Variants in NSD1 observed in about 807,000 individuals in gnomAD.
The protein encoded by NSD1 is nuclear receptor binding SET domain protein 1, also known as histone-lysine N-methyltransferase, H3 lysine-36 specific.
A neutral mutation model predicts 242.7 loss-of-function variants in NSD1; 26 were observed. The ratio of observed to expected loss-of-function variants is 0.11; its 90% CI spans 0.08 to 0.15. NSD1 has a LOEUF of 0.15. NSD1 is among the 10% of genes least tolerant of loss of function. The pLI, the probability that NSD1 is intolerant of heterozygous loss-of-function variation, is 1.00. For synonymous variants in NSD1, 1,106 were observed against 1,178.1 expected, an observed-to-expected ratio of 0.94 and a Z score of 1.25; for missense variants, 2,495 against 3,272.8, an observed-to-expected ratio of 0.76 and a Z score of 5.80.
Position 177,238,396 on chromosome 5 carries a change from C to T in NSD1, c.4081C>T (p.Leu1361Phe). ...GGAGGGCCCCTTGGCTCAGTCAGAA[C>T]TTGGAGGTGGACATGCTGAGTTGCC... ...FLEGPLAQSE[L>F]GGGHAELPQL... The change falls in exon 7 of 23, where the codon CTT becomes TTT. Residue 1361 changes from leucine to phenylalanine, a missense_variant. Physicochemically the swap from Leu to Phe is conservative, Grantham distance 22. Transcript: ENST00000439151. The surrounding 1 kb of genome is among the most constrained non-coding windows in gnomAD (Gnocchi z 4.6). 1 of 1,614,092 alleles carries T rather than the reference C, an allele frequency of 6.2e-7. No homozygotes were observed. Among genetic ancestry groups the T allele is most frequent in the Non-Finnish European group, 8.5e-7 (1 of 1,179,992 alleles).
At position 177,295,159 on chromosome 5, in the gene NSD1, G is replaced by A. The variant is rs1760169091; in HGVS notation, c.7791G>A (p.Gly2597=). ...TACCTGCACTTGCCGCCAAGAGTGG[G>A]CAATCTTTTAGGTCTCTCGGGAAGG... ...QQLPALAAKS[G]QSFRSLGKAP... The change falls in exon 23 of 23, where the codon GGG becomes GGA. Residue 2597 remains glycine (G), a synonymous_variant. Transcript: ENST00000439151. This position sits in a 1 kb window ranked among gnomAD's most constrained non-coding sequence, Gnocchi z 4.3. 6.2e-6 allele frequency: 10 copies of A among 1,614,054 alleles called. No homozygotes were observed. The highest frequency in any genetic ancestry group is 1.1e-5 in the South Asian group (1 of 91,090).
At chr5:177,288,975 TC>T in intron 21 of NSD1, 50 bp downstream of exon 21, 1 of 1,241,482 alleles carries the variant, frequency 8.1e-7, no homozygotes, top group South Asian at 1.2e-5. Flanking sequence ...CGGTCCTCCC[TC>T]CCTAACAGTG....
At chr5:177,194,966 C>T (rs527914266) in intron 3 of NSD1, among the ~76,000 whole-genome samples, 204 of 152,046 alleles carry the variant, frequency 1.3e-3, no homozygotes, top group African/African-American at 4.7e-3. Context: ...CGAGACCAGT[C>T]TGGCTGACAT....
rs1406238061 is a variant in NSD1 at position 177,296,782 on chromosome 5, C to T, written c.*1323C>T. 2 of 233,194 alleles carry T rather than the reference C, an allele frequency of 8.6e-6. No individual in the cohort carries two copies. The highest frequency in any genetic ancestry group is 1.7e-5 in the Non-Finnish European group (2 of 118,086). 14.4% of individuals were successfully genotyped at this position (233,194 alleles called of 1,614,324 possible). On this transcript the variant is annotated 3_prime_UTR_variant, in exon 23 of 23. Coordinates refer to ENST00000439151, the MANE Select transcript of NSD1 (RefSeq NM_022455.5). ...GGGCTGGGAAATCTGTTGGTGCTAC[C>T]CTGCCCTACCATTCACCCAGCTCAC...
At chr5:177,221,781 A>G (rs986699038) in intron 5 of NSD1, among the ~76,000 whole-genome samples, 3 of 149,256 alleles carry the variant, frequency 2.0e-5, no homozygotes, top group African/African-American at 7.4e-5. Context: ...TAAAACTCAT[A>G]TTTCCCCTTC....
At chr5:177,244,073 A>C (rs1766094434) in intron 8 of NSD1, 122 bp from the exon 9 acceptor site, 1 of 752,084 alleles carries the variant, frequency 1.3e-6, no homozygotes. Context: ...TGATTTCTTT[A>C]ATTGCTAAAA....
At chr5:177,181,655 A>G (rs1288480164) in intron 2 of NSD1, among the ~76,000 whole-genome samples, 2 of 150,558 alleles carry the variant, frequency 1.3e-5, no homozygotes, top group Non-Finnish European at 3.0e-5. Flanking sequence ...TGAACTCCTG[A>G]CCTCAAGTGA....
At position 177,290,152 on chromosome 5, in the gene NSD1, C is replaced by T. The variant is rs1410895331; in HGVS notation, c.6258+1227C>T. 9.5e-5 allele frequency among the ~76,000 whole-genome samples: 14 copies of T among 147,500 alleles called. No homozygotes were observed. The Admixed American group carries it at 9.6e-4, about 10-fold the overall frequency. ...CCTTATATTATTATTTTTTAAAGTC[C>T]TTGCTGATCATTTTTAGTGACTGTC... On this transcript the variant is annotated intron_variant, in intron 21 of 22. Transcript: ENST00000439151.
At chr5:177,288,290 A>T (rs923110359) in intron 20 of NSD1, among the ~76,000 whole-genome samples, 15 of 152,202 alleles carry the variant, frequency 9.9e-5, no homozygotes, top group Middle Eastern at 3.2e-3. Context: ...TCTCCATTTT[A>T]AAATGGGCTG....
At chr5:177,229,869 G>A (rs1048693310) in intron 5 of NSD1, 3 of 231,140 alleles carry the variant, frequency 1.3e-5, no homozygotes, top group African/African-American at 2.4e-5. Flanking sequence ...TCACCCTCCT[G>A]AGTAGCTGCA....
At chr5:177,228,556 T>C (rs1440800202) in intron 5 of NSD1, among the ~76,000 whole-genome samples, 1 of 152,024 alleles carries the variant, frequency 6.6e-6, no homozygotes, top group African/African-American at 2.4e-5. Flanking sequence ...AGGAATGGTT[T>C]TGGGGTTTTT....
At position 177,260,180 on chromosome 5, in the gene NSD1, TTTC is replaced by T. The variant is rs1756872577; in HGVS notation, c.5146+16_5146+18del. 8.1e-6 allele frequency: 13 copies of T among 1,612,794 alleles called. No homozygotes were observed. The highest frequency in any genetic ancestry group is 9.3e-6 in the Non-Finnish European group (11 of 1,179,032). On this transcript the variant is annotated intron_variant, in intron 14 of 22. Transcript: ENST00000439151. ...TGTGTGCTCAGAAGGTAAGAAATCA[TTTC>T]TTCCTCTATTTGTAGTCTAAAAAGG...
chr5:177,270,649 A>G (rs148614425), intron 16 of NSD1, among the ~76,000 whole-genome samples: 3 of 152,328 alleles, frequency 2.0e-5, no homozygotes, highest in South Asian at 4.1e-4. Context: ...AGGTAAACCA[A>G]TTGTTAACAT....
At chr5:177,268,402 C>T (rs1757688321) in intron 15 of NSD1, among the ~76,000 whole-genome samples, 1 of 151,630 alleles carries the variant, frequency 6.6e-6, no homozygotes, top group African/African-American at 2.4e-5. Flanking sequence ...GGGTGCAGCA[C>T]ACCAACATGG....
intron 5 of NSD1, among the ~76,000 whole-genome samples, chr5:177,222,960 T>G (rs1310599167): frequency 6.6e-6 from 1 of 152,242 alleles, no homozygotes; most frequent in African/African-American, 2.4e-5. Context: ...ACCCTATGTT[T>G]TCTTCTAAAA....
At chr5:177,186,416 C>T (rs1761237491) in intron 2 of NSD1, among the ~76,000 whole-genome samples, 2 of 151,978 alleles carry the variant, frequency 1.3e-5, no homozygotes, top group Admixed American at 1.3e-4. Context: ...ATTAAAATAG[C>T]ATATCCCATA....
At position 177,217,709 on chromosome 5, in the gene NSD1, C is replaced by G. The variant is rs1475800159; in HGVS notation, c.3796+5514C>G. Among the ~76,000 whole-genome samples the G allele has an allele frequency of 7.9e-5, 11 of 139,010 alleles. No individual in the cohort carries two copies. The Admixed American group carries it at 8.2e-4, about 10-fold the overall frequency. The allele number at this position is 139,010 out of a possible 152,430, so 91.2% of individuals were successfully genotyped here. On this transcript the variant is annotated intron_variant, in intron 5 of 22. Transcript: ENST00000439151. ...TGAGACAGAGTTTCATTCTTGGTGT[C>G]CATGATGGAGTGCAGTGGCGCGATC... is the stretch of plus-strand genomic sequence containing the variant.
At chr5:177,235,136 C>G (rs1765342085) in intron 5 of NSD1, among the ~76,000 whole-genome samples, 1 of 152,166 alleles carries the variant, frequency 6.6e-6, no homozygotes, top group South Asian at 2.1e-4. Context: ...CACATAAATT[C>G]AGAGACAGGA....
chr5:177,257,426 T>A (rs1236367740), intron 13 of NSD1, among the ~76,000 whole-genome samples: 1 of 151,902 alleles, frequency 6.6e-6, no homozygotes, highest in Non-Finnish European at 1.5e-5. Flanking sequence ...AGAGACGGGG[T>A]TTCACCGTGT....
Sources: allele counts gnomAD v4.1 joint callset (sites outside exome capture counted in the v4.1 genomes callset), GRCh38; gene constraint gnomAD v4.1.1; non-coding constraint Gnocchi (gnomAD v3.1); transcripts MANE v1.5; gene names NCBI Gene and HGNC (gene_info 2026-07-23, HGNC 2026-07-21).